SH2D4B: variants seen among roughly 807,000 people sequenced by gnomAD.
The protein encoded by SH2D4B is SH2 domain-containing protein 4B.
SH2D4B carries 45 observed loss-of-function variants against 61.5 expected under a neutral mutation model. The observed-to-expected ratio is 0.73, with a 90% CI of 0.58 to 0.94. SH2D4B has a LOEUF of 0.94. Among genes scored for constraint, SH2D4B ranks in the 40% least tolerant of loss-of-function variants. The pLI, the probability that SH2D4B is intolerant of heterozygous loss-of-function variation, is 0.00. For synonymous variants in SH2D4B, 224 were observed against 220.4 expected (o/e 1.02, Z -0.14); for missense variants, 572 against 574.2 (o/e 1.00, Z 0.04).
At chr10:80,639,160 G>A (rs141378661) in intron 7 of SH2D4B, among the ~76,000 whole-genome samples, 2,374 of 152,138 alleles carry the variant, frequency 0.016, 58 homozygotes, top group African/African-American at 0.053. Context: ...ACAGTTTGTT[G>A]TGATTTCTGT....
At chr10:80,562,994 C>T (rs1224037673) in intron 1 of SH2D4B, among the ~76,000 whole-genome samples, 2 of 148,908 alleles carry the variant, frequency 1.3e-5, no homozygotes, top group Non-Finnish European at 3.0e-5. Flanking sequence ...CTCCGCCTCC[C>T]GGGTTCACGC....
At chr10:80,571,410 C>T (rs993789752) in intron 2 of SH2D4B, 21 bp from the exon 3 acceptor site, 1 of 1,612,618 alleles carries the variant, frequency 6.2e-7, no homozygotes, top group African/African-American at 1.3e-5. Context: ...CAAGCTTATA[C>T]CTGTGGTGCT....
intron 1 of SH2D4B, 127 bp from the exon 2 acceptor site, chr10:80,570,026 TG>T: frequency 8.5e-7 from 1 of 1,176,656 alleles, no homozygotes. Flanking sequence ...AGTGTCTCTC[TG>T]GCATTCTTTT....
rs138368953 is a variant in SH2D4B at position 80,625,668 on chromosome 10, G to C, written c.989-8617G>C. Among the ~76,000 whole-genome samples the C allele has an allele frequency of 5.9e-5, 9 of 151,632 alleles. No homozygotes were observed. In the East Asian group the frequency reaches 1.7e-3, roughly 29 times the overall value. On this transcript the variant is annotated intron_variant, in intron 6 of 7. Coordinates refer to ENST00000646907, the MANE Select transcript of SH2D4B (RefSeq NM_001388272.1). ...GCTCACTGCAATCTCTACCTCCCGG[G>C]TTCAAGCGATTCTCCTGCCTTAGCC...
chr10:80,626,362 A>G (rs915173035), intron 6 of SH2D4B, among the ~76,000 whole-genome samples: 2 of 152,174 alleles, frequency 1.3e-5, no homozygotes, highest in African/African-American at 4.8e-5. Context: ...CTGTAAGGCT[A>G]ATTATTTATT....
intron 3 of SH2D4B, among the ~76,000 whole-genome samples, chr10:80,582,194 A>G (rs1842191429): frequency 6.6e-6 from 1 of 152,150 alleles, no homozygotes; most frequent in South Asian, 2.1e-4. Context: ...AGAAGAGGGA[A>G]AGTTGAAAGG....
intron 4 of SH2D4B, among the ~76,000 whole-genome samples, chr10:80,588,984 A>T (rs1564776688): frequency 6.8e-6 from 1 of 147,536 alleles, no homozygotes; most frequent in Non-Finnish European, 1.5e-5. Flanking sequence ...TGTTGGGGAT[A>T]TTTCTTTTTC....
chr10:80,607,218 C>T (rs1842530314), intron 5 of SH2D4B: 1 of 152,136 alleles, frequency 6.6e-6, no homozygotes, highest in Non-Finnish European at 1.5e-5. Flanking sequence ...CATATAACTT[C>T]CTATTGCCTT....
intron 3 of SH2D4B, among the ~76,000 whole-genome samples, chr10:80,585,510 T>G (rs1386315479): frequency 6.6e-6 from 1 of 152,138 alleles, no homozygotes; most frequent in Non-Finnish European, 1.5e-5. Context: ...GAGACGGGGT[T>G]TCACCATGTT....
chr10:80,631,257 A>G (rs954161036), intron 6 of SH2D4B, among the ~76,000 whole-genome samples: 1 of 152,182 alleles, frequency 6.6e-6, no homozygotes, highest in African/African-American at 2.4e-5. Context: ...TTATTTATTA[A>G]TGTATTTTTG....
Position 80,603,615 on chromosome 10 carries a change from G to T in SH2D4B, c.680G>T (p.Arg227Leu). The change falls in exon 5 of 8, where the codon CGC becomes CTC. Residue 227 changes from arginine (R) to leucine (L), a missense_variant. Coordinates refer to ENST00000646907, the MANE Select transcript of SH2D4B (RefSeq NM_001388272.1). ...AAGGCGGCTGATGAGGAGAGGAGCC[G>T]CCGAGCCCAGCGCGCCCGGGACGAG... The part of the protein sequence containing the change: ...RSKAADEERS[R>L]RAQRARDEYR... 6.3e-7 allele frequency: 1 copy of T among 1,578,832 alleles called. No individual in the cohort carries two copies. Among genetic ancestry groups the T allele is most frequent in the Non-Finnish European group, 8.6e-7 (1 of 1,162,778 alleles).
At chr10:80,590,945 C>T (rs1842318007) in intron 4 of SH2D4B, among the ~76,000 whole-genome samples, 1 of 151,310 alleles carries the variant, frequency 6.6e-6, no homozygotes, top group Non-Finnish European at 1.5e-5. Flanking sequence ...CATGCTACAA[C>T]ATGAATGGAC....
At chr10:80,609,329 C>G in intron 5 of SH2D4B, 95 bp from the exon 6 acceptor site, 1 of 1,341,526 alleles carries the variant, frequency 7.5e-7, no homozygotes, top group Non-Finnish European at 1.0e-6. Context: ...TTTTACCTTC[C>G]TCTCCCTTCC....
chr10:80,586,550 C>T (rs1842251734), intron 3 of SH2D4B, among the ~76,000 whole-genome samples: 1 of 152,134 alleles, frequency 6.6e-6, no homozygotes, highest in African/African-American at 2.4e-5. Flanking sequence ...TCTAGCTAAT[C>T]TGGTGGGGAC....
intron 6 of SH2D4B, among the ~76,000 whole-genome samples, chr10:80,625,611 C>T (rs1238779299): frequency 7.1e-6 from 1 of 139,914 alleles, no homozygotes; most frequent in African/African-American, 2.8e-5. Flanking sequence ...CTTACTCTGT[C>T]GCCCAGGCTG....
At chr10:80,640,165 T>C (rs1241464018) in intron 7 of SH2D4B, among the ~76,000 whole-genome samples, 2 of 152,240 alleles carry the variant, frequency 1.3e-5, no homozygotes, top group African/African-American at 4.8e-5. Context: ...CAGCTGTTAG[T>C]CTGATGGGCT....
At chr10:80,564,605 C>G (rs1384433206) in intron 1 of SH2D4B, among the ~76,000 whole-genome samples, 1 of 152,152 alleles carries the variant, frequency 6.6e-6, no homozygotes, top group Non-Finnish European at 1.5e-5. Flanking sequence ...CTAGCTGATC[C>G]CATCCATTTC....
intron 3 of SH2D4B, among the ~76,000 whole-genome samples, chr10:80,577,526 A>T (rs1227806710): frequency 1.3e-5 from 2 of 150,960 alleles, no homozygotes; most frequent in African/African-American, 4.9e-5. Context: ...TCCCAGGTTC[A>T]TGCCATTCTC....
chr10:80,595,368 C>G (rs980089651), intron 4 of SH2D4B, among the ~76,000 whole-genome samples: 1 of 152,166 alleles, frequency 6.6e-6, no homozygotes, highest in African/African-American at 2.4e-5. Flanking sequence ...TCCAAGCTCC[C>G]TTATGGCTGC....
Sources: allele counts gnomAD v4.1 joint callset (sites outside exome capture counted in the v4.1 genomes callset), GRCh38; gene constraint gnomAD v4.1.1; transcripts MANE v1.5; gene names NCBI Gene and HGNC (gene_info 2026-07-23, HGNC 2026-07-21).